NUBPL: variants seen among roughly 807,000 people sequenced by gnomAD.
NUBPL encodes the protein iron-sulfur cluster transfer protein NUBPL.
NUBPL carries 31 observed loss-of-function variants against 45.7 expected under a neutral mutation model. That is an observed-to-expected ratio of 0.68 (90% CI 0.51 to 0.92). NUBPL has a LOEUF of 0.92. NUBPL is among the 40% of genes least tolerant of loss of function. NUBPL has a pLI of 0.00. For missense variants in NUBPL, 401 were observed against 398.7 expected, an observed-to-expected ratio of 1.01 and a Z score of -0.05; for synonymous variants, 144 against 140.9, an observed-to-expected ratio of 1.02 and a Z score of -0.15.
At chr14:31,750,366 A>AT (rs2038498204) in intron 6 of NUBPL, among the ~76,000 whole-genome samples, 2 of 136,038 alleles carry the variant, frequency 1.5e-5, no homozygotes, top group Non-Finnish European at 3.2e-5. Flanking sequence ...TTTAATTTTT[A>AT]TTTTTTTTAT....
At position 31,690,800 on chromosome 14, in the gene NUBPL, C is replaced by A. The variant is rs142776903; in HGVS notation, c.513+17226C>A. Among the ~76,000 whole-genome samples, 22 of 152,234 alleles carry A rather than the reference C, an allele frequency of 1.4e-4. No individual in the cohort carries two copies. The East Asian group carries it at 4.2e-3, about 29-fold the overall frequency. ...ATATGCACCTCAGAGAAATTCAAGA[C>A]CTTGTAGACGCCACACCAGAGGAAT... On this transcript the variant is annotated intron_variant, in intron 6 of 10. Transcript: ENST00000281081.
At chr14:31,747,559 G>C (rs2038429130) in intron 6 of NUBPL, among the ~76,000 whole-genome samples, 1 of 152,018 alleles carries the variant, frequency 6.6e-6, no homozygotes, top group South Asian at 2.1e-4. Flanking sequence ...ATTTTTCCAG[G>C]AATTTATCCA....
At chr14:31,563,801 G>T (rs145642017) in intron 2 of NUBPL, among the ~76,000 whole-genome samples, 24 of 152,294 alleles carry the variant, frequency 1.6e-4, no homozygotes, top group African/African-American at 5.8e-4. Context: ...CCTTAAAGTT[G>T]TATTATGTGT....
intron 6 of NUBPL, among the ~76,000 whole-genome samples, chr14:31,679,047 G>C (rs1393204156): frequency 6.6e-6 from 1 of 152,188 alleles, no homozygotes; most frequent in Non-Finnish European, 1.5e-5. Flanking sequence ...GGTGCAGCCT[G>C]GTTCTGCTTT....
chr14:31,602,067 T>G (rs1263712059), intron 4 of NUBPL, among the ~76,000 whole-genome samples: 1 of 152,114 alleles, frequency 6.6e-6, no homozygotes. Context: ...CCATAAAAAA[T>G]GATGAGTTCA....
chr14:31,709,716 G>C (rs948440518), intron 6 of NUBPL, among the ~76,000 whole-genome samples: 2 of 152,186 alleles, frequency 1.3e-5, no homozygotes, highest in Non-Finnish European at 2.9e-5. Flanking sequence ...AAATCAGAGA[G>C]GGAGAAGGGG....
At chr14:31,771,253 A>G (rs564750565) in intron 6 of NUBPL, among the ~76,000 whole-genome samples, 1 of 152,314 alleles carries the variant, frequency 6.6e-6, no homozygotes, top group South Asian at 2.1e-4. Flanking sequence ...AAGACTCTCA[A>G]AGGATCATGT....
intron 4 of NUBPL, among the ~76,000 whole-genome samples, chr14:31,662,541 A>G (rs944359819): frequency 4.0e-5 from 6 of 151,876 alleles, no homozygotes; most frequent in Admixed American, 6.6e-5. Flanking sequence ...TCATTGTTCA[A>G]CTACCACTTA....
intron 10 of NUBPL, among the ~76,000 whole-genome samples, chr14:31,854,124 A>G (rs2040581831): frequency 6.6e-6 from 1 of 152,204 alleles, no homozygotes; most frequent in Non-Finnish European, 1.5e-5. Flanking sequence ...ATGACTGTGT[A>G]TGATAAATTG....
At chr14:31,608,609 A>G (rs2034667850) in intron 4 of NUBPL, among the ~76,000 whole-genome samples, 1 of 152,178 alleles carries the variant, frequency 6.6e-6, no homozygotes, top group African/African-American at 2.4e-5. Context: ...AACAGTAGGT[A>G]ATCACCTGAA....
chr14:31,689,498 A>G (rs2037043713), intron 6 of NUBPL, among the ~76,000 whole-genome samples: 1 of 151,812 alleles, frequency 6.6e-6, no homozygotes, highest in Non-Finnish European at 1.5e-5. Flanking sequence ...TCCTTTGCCC[A>G]CTTTTTAATG....
chr14:31,734,257 TA>T (rs370553321), intron 6 of NUBPL, among the ~76,000 whole-genome samples: 18 of 152,326 alleles, frequency 1.2e-4, no homozygotes, highest in African/African-American at 3.8e-4. Flanking sequence ...TTATCTGCCA[TA>T]TAATAATGTC....
chr14:31,697,368 A>G (rs1261058966), intron 6 of NUBPL, among the ~76,000 whole-genome samples: 1 of 152,258 alleles, frequency 6.6e-6, no homozygotes, highest in Non-Finnish European at 1.5e-5. Context: ...ACAGTTTATT[A>G]GCAACAAAAA....
At chr14:31,731,246 C>T (rs1053981700) in intron 6 of NUBPL, among the ~76,000 whole-genome samples, 8 of 152,144 alleles carry the variant, frequency 5.3e-5, no homozygotes, top group Non-Finnish European at 1.0e-4. Context: ...TCAGAATAAA[C>T]AGTTCACAAT....
At chr14:31,637,974 A>G (rs1286765033) in intron 4 of NUBPL, among the ~76,000 whole-genome samples, 1 of 152,078 alleles carries the variant, frequency 6.6e-6, no homozygotes, top group East Asian at 1.9e-4. Flanking sequence ...TTTTGAGCCT[A>G]TATGTGTCTC....
At chr14:31,849,952 T>C (rs2040511988) in intron 9 of NUBPL, 167 bp from the exon 10 acceptor site, 1 of 649,254 alleles carries the variant, frequency 1.5e-6, no homozygotes, top group Non-Finnish European at 2.7e-6. Flanking sequence ...GTATCTTGTT[T>C]GTAATTCCCA....
chr14:31,808,418 C>T lies in NUBPL; in HGVS notation c.608-18211C>T, dbSNP rs185812269. Among the ~76,000 whole-genome samples the T allele has an allele frequency of 1.2e-4, 18 of 151,924 alleles. No individual in the cohort carries two copies. The East Asian group carries it at 2.7e-3, about 23-fold the overall frequency. The stretch of plus-strand genomic sequence containing the variant: ...TGGGATTCACTCACGATTTGGCTCT[C>T]TGTCTGTTATTTGTGTATACGAATG... On this transcript the variant is annotated intron_variant, in intron 7 of 10. Transcript: ENST00000281081.
chr14:31,652,965 G>T (rs544643118), intron 4 of NUBPL, among the ~76,000 whole-genome samples: 3 of 152,272 alleles, frequency 2.0e-5, no homozygotes, highest in Non-Finnish European at 2.9e-5. Context: ...GTGACATCAC[G>T]TATCAGTAGG....
chr14:31,817,191 G>A (rs895604316), intron 7 of NUBPL, among the ~76,000 whole-genome samples: 6 of 151,970 alleles, frequency 3.9e-5, no homozygotes, highest in South Asian at 2.1e-4. Flanking sequence ...CCAAACCTAC[G>A]TTTCATTGGT....
Sources: allele counts gnomAD v4.1 joint callset (sites outside exome capture counted in the v4.1 genomes callset), GRCh38; gene constraint gnomAD v4.1.1; transcripts MANE v1.5; gene names NCBI Gene and HGNC (gene_info 2026-07-23, HGNC 2026-07-21).